The following GLUD1 variants were observed in gnomAD, a reference collection of about 807,000 sequenced individuals.
GLUD1 encodes glutamate dehydrogenase 1.
Under a neutral mutation model 56.0 loss-of-function variants are expected in GLUD1, and 22 were observed. The ratio of observed to expected loss-of-function variants is 0.39; its 90% CI spans 0.28 to 0.56. The LOEUF (loss-of-function observed/expected upper bound fraction) is 0.56. Ranked by LOEUF, GLUD1 falls within the 20% of genes least tolerant of loss-of-function variation. The probability of loss-of-function intolerance (pLI) is 0.58; values close to 1 mark genes in which losing one functional copy is unlikely to be tolerated. For synonymous variants in GLUD1, 223 were observed against 269.9 expected, an observed-to-expected ratio of 0.83 and a Z score of 1.70; for missense variants, 451 against 732.0, an observed-to-expected ratio of 0.62 and a Z score of 4.43.
intron 11 of GLUD1, among the ~76,000 whole-genome samples, chr10:87,054,274 T>G (rs1391069024): frequency 6.6e-6 from 1 of 152,176 alleles, no homozygotes; most frequent in Non-Finnish European, 1.5e-5. Flanking sequence ...GAAGAGAGTG[T>G]ATATACATGG....
intron 1 of GLUD1, among the ~76,000 whole-genome samples, chr10:87,081,215 C>T (rs1208802289): frequency 2.7e-5 from 4 of 146,612 alleles, no homozygotes; most frequent in South Asian, 4.3e-4. Context: ...GCCCCCCGCC[C>T]GGCCAGCCGC....
At chr10:87,080,128 C>T (rs1335390648) in intron 1 of GLUD1, among the ~76,000 whole-genome samples, 1 of 151,898 alleles carries the variant, frequency 6.6e-6, no homozygotes, top group Non-Finnish European at 1.5e-5. Context: ...TTGGTGGAGA[C>T]GGGATTTCGC....
intron 5 of GLUD1, chr10:87,067,804 G>A (rs1846116963): frequency 9.3e-6 from 4 of 428,978 alleles, no homozygotes; most frequent in Admixed American, 6.9e-5. Context: ...GCTTCTTGAT[G>A]TACGTTCTAG....
intron 3 of GLUD1, among the ~76,000 whole-genome samples, chr10:87,075,438 GA>G (rs2133826231): frequency 1.3e-5 from 2 of 152,232 alleles, no homozygotes; most frequent in South Asian, 4.2e-4. Flanking sequence ...AAAACCAAAT[GA>G]AACAGAAAAT....
At chr10:87,093,873 G>C (rs935095823) in intron 1 of GLUD1, 1 of 1,235,190 alleles carries the variant, frequency 8.1e-7, no homozygotes, top group African/African-American at 1.5e-5. Flanking sequence ...GTCACTATTG[G>C]AACAGGAGTG....
intron 5 of GLUD1, among the ~76,000 whole-genome samples, chr10:87,064,174 A>G (rs1347364762): frequency 6.6e-6 from 1 of 152,054 alleles, no homozygotes; most frequent in African/African-American, 2.4e-5. Flanking sequence ...CGGCCTCCCA[A>G]AGTGCTGGGA....
chr10:87,068,449 G>A (rs1172141337), intron 4 of GLUD1, among the ~76,000 whole-genome samples: 3 of 152,182 alleles, frequency 2.0e-5, no homozygotes, highest in East Asian at 3.8e-4. Flanking sequence ...CTGAGTGTGC[G>A]ACCAGAGGTT....
At chr10:87,057,598 CTA>C in intron 11 of GLUD1, 91 bp downstream of exon 11, 2 of 791,676 alleles carry the variant, frequency 2.5e-6, no homozygotes, top group Admixed American at 1.7e-5. Context: ...ATTACAAAGA[CTA>C]TGCCGCAGAT....
At chr10:87,083,336 A>G (rs745664832) in intron 1 of GLUD1, among the ~76,000 whole-genome samples, 2 of 152,220 alleles carry the variant, frequency 1.3e-5, no homozygotes, top group African/African-American at 2.4e-5. Flanking sequence ...GATGTGACAT[A>G]TACCTCAAAG....
intron 4 of GLUD1, 68 bp downstream of exon 4, chr10:87,074,483 G>A (rs1167980811): frequency 6.3e-5 from 53 of 843,126 alleles, no homozygotes; most frequent in Admixed American, 3.5e-4. Flanking sequence ...GTGAGACTCC[G>A]TCTCAAAAAA....
intron 5 of GLUD1, among the ~76,000 whole-genome samples, chr10:87,067,165 C>T (rs1181545383): frequency 2.0e-5 from 3 of 152,266 alleles, no homozygotes; most frequent in Admixed American, 6.5e-5. Flanking sequence ...AGCAAAATTT[C>T]TCCACTGACT....
Position 87,069,858 on chromosome 10 carries a change from G to GACA in GLUD1, c.647-1704_647-1702dup, listed in dbSNP as rs970476432. Among the ~76,000 whole-genome samples, 26 of 21,676 alleles carry GACA rather than the reference G, an allele frequency of 1.2e-3. No individual in the cohort carries two copies. The South Asian group carries it at 0.026, about 21-fold the overall frequency. The allele number at this position is 21,676 out of a possible 152,430, so 14.2% of individuals were successfully genotyped here. On this transcript the variant is annotated intron_variant, in intron 4 of 12. Transcript: ENST00000277865. ...TTAAAAATCTCATGAAGTCAATGAC[G>GACA]ACAACAACAACAACAACAACAACAA...
intron 1 of GLUD1, among the ~76,000 whole-genome samples, chr10:87,087,988 G>T (rs980568300): frequency 6.6e-6 from 1 of 152,110 alleles, no homozygotes; most frequent in Admixed American, 6.5e-5. Flanking sequence ...GGCTGAGGCA[G>T]GAAAATTGCT....
intron 10 of GLUD1, 39 bp from the exon 11 acceptor site, chr10:87,057,821 G>GAAAAAAAAA: frequency 1.4e-6 from 1 of 722,500 alleles, no homozygotes. Flanking sequence ...ATTGCTAACA[G>GAAAAAAAAA]AAAAAAAAAA....
Position 87,055,286 on chromosome 10 carries a change from G to A in GLUD1, c.1495-1882C>T, listed in dbSNP as rs574529249. Reference sequence around the variant, plus strand: ...GGGAGTGACTGTAATGATGGAGCACGGAATTTAAGTTAGATAAGGAGGGAA... The same window carrying A: ...GGGAGTGACTGTAATGATGGAGCACAGAATTTAAGTTAGATAAGGAGGGAA... On this transcript the variant is annotated intron_variant, in intron 11 of 12. Transcript: ENST00000277865. 1.8e-3 allele frequency among the ~76,000 whole-genome samples: 270 copies of A among 152,218 alleles called. 5 individuals carry two copies. Among genetic ancestry groups the A allele is most frequent in the Middle Eastern group, 3.4e-3 (1 of 294 alleles).
intron 10 of GLUD1, among the ~76,000 whole-genome samples, chr10:87,058,154 CA>C (rs1293519240): frequency 1.3e-5 from 2 of 152,174 alleles, no homozygotes; most frequent in African/African-American, 4.8e-5. Flanking sequence ...AGGCGTGAGC[CA>C]CTGCGCCTGG....
intron 5 of GLUD1, among the ~76,000 whole-genome samples, chr10:87,064,994 T>C (rs1414072541): frequency 1.3e-5 from 2 of 151,940 alleles, no homozygotes; most frequent in Non-Finnish European, 2.9e-5. Flanking sequence ...TAGAAATGAG[T>C]AACAAAAACA....
intron 1 of GLUD1, among the ~76,000 whole-genome samples, chr10:87,093,742 A>G (rs1190282960): frequency 6.6e-6 from 1 of 152,206 alleles, no homozygotes; most frequent in East Asian, 1.9e-4. Flanking sequence ...AGAACTTGTC[A>G]GAATGGGAAA....
intron 11 of GLUD1, among the ~76,000 whole-genome samples, chr10:87,056,840 A>C (rs1050839131): frequency 7.9e-5 from 12 of 151,608 alleles, no homozygotes; most frequent in African/African-American, 9.7e-5. Context: ...AAAAAAAAAA[A>C]CTCTTTTTCA....
Sources: allele counts gnomAD v4.1 joint callset (sites outside exome capture counted in the v4.1 genomes callset), GRCh38; gene constraint gnomAD v4.1.1; transcripts MANE v1.5; gene names NCBI Gene and HGNC (gene_info 2026-07-23, HGNC 2026-07-21).